The following COL18A1 variants were observed in gnomAD, a reference collection of about 807,000 sequenced individuals.
COL18A1 encodes the protein collagen alpha-1(XVIII) chain.
Under a neutral mutation model 168.0 loss-of-function variants are expected in COL18A1, and 133 were observed. The observed-to-expected ratio is 0.79, with a 90% CI of 0.69 to 0.91. The LOEUF is 0.91. Ranked by LOEUF, COL18A1 falls within the 40% of genes least tolerant of loss-of-function variation. COL18A1 has a pLI of 0.00. For synonymous variants in COL18A1, 949 were observed against 809.0 expected, an observed-to-expected ratio of 1.17 and a Z score of -2.94; for missense variants, 2,126 against 1,925.4, an observed-to-expected ratio of 1.10 and a Z score of -1.95.
intron 2 of COL18A1, among the ~76,000 whole-genome samples, chr21:45,458,175 G>A (rs1373791733): frequency 6.6e-6 from 1 of 151,636 alleles, no homozygotes; most frequent in Non-Finnish European, 1.5e-5. Flanking sequence ...AACTGCGCTG[G>A]GGGGGCCTGG....
Position 45,473,857 on chromosome 21 carries a change from C to G in COL18A1, c.652-38C>G, listed in dbSNP as rs1300771247. 6.5e-7 allele frequency: 1 copy of G among 1,543,656 alleles called. No individual in the cohort carries two copies. Among genetic ancestry groups the G allele is most frequent in the African/African-American group, 1.4e-5 (1 of 73,078 alleles). On this transcript the variant is annotated intron_variant, in intron 3 of 41. Transcript: ENST00000651438. This position sits in a 1 kb window ranked among gnomAD's most constrained non-coding sequence, Gnocchi z 4.0. ...AGCACCGGGGTTGCCACTGCCACCT[C>G]AGGACCGCTGGTGACCCCTTTCTCT...
In COL18A1 at chr21:45,505,123, G is replaced by T; in HGVS notation, c.2869-11G>T. ...AGGTAACCAGGAAGCGTCTCTTGTCGCCGTCCGTAGGGTCCCAAGGGAGAG... is the reference window on the plus strand; with the variant it reads ...AGGTAACCAGGAAGCGTCTCTTGTCTCCGTCCGTAGGGTCCCAAGGGAGAG... On this transcript the variant is annotated splice_polypyrimidine_tract_variant and intron_variant, in intron 34 of 41. Coordinates refer to ENST00000651438, the MANE Select transcript of COL18A1 (RefSeq NM_001379500.1). The T allele has an allele frequency of 6.2e-7, 1 of 1,606,860 alleles. No homozygotes were observed. Among genetic ancestry groups the T allele is most frequent in the Non-Finnish European group, 8.5e-7 (1 of 1,178,314 alleles).
At chr21:45,493,952 C>G (rs2036446345) in intron 26 of COL18A1, 1 of 307,306 alleles carries the variant, frequency 3.3e-6, no homozygotes. Context: ...CCTGGGGGCC[C>G]TGATGCTGTG....
At chr21:45,502,421 C>T (rs2036915319) in intron 32 of COL18A1, 1 of 152,220 alleles carries the variant, frequency 6.6e-6, no homozygotes, top group African/African-American at 2.4e-5. Context: ...TTCTACACAT[C>T]AGCCTAAGAT....
At chr21:45,416,651 T>G (rs1308541269) in intron 2 of COL18A1, among the ~76,000 whole-genome samples, 1 of 152,176 alleles carries the variant, frequency 6.6e-6, no homozygotes, top group African/African-American at 2.4e-5. Flanking sequence ...TCTCTTAGAT[T>G]CCAGCTTAGG....
At chr21:45,419,308 G>GTGACGTGATGCCGTGTAA (rs2033548587) in intron 2 of COL18A1, among the ~76,000 whole-genome samples, 1 of 151,468 alleles carries the variant, frequency 6.6e-6, no homozygotes, top group African/African-American at 2.4e-5. Flanking sequence ...ATGCCGTGTA[G>GTGACGTGATGCCGTGTAA]TGACGCAATG....
At position 45,494,242 on chromosome 21, in the gene COL18A1, A is replaced by G. The variant is rs956397758; in HGVS notation, c.2353-303A>G. ...TGGCAACCAGGACACTGCGTGGCAC[A>G]TGCCCTCCACCCTCCACCCTCCACC... On this transcript the variant is annotated intron_variant, in intron 26 of 41. Coordinates refer to ENST00000651438, the MANE Select transcript of COL18A1 (RefSeq NM_001379500.1). The G allele has an allele frequency of 6.1e-5, 26 of 427,360 alleles. No homozygotes were observed. The African/African-American group carries it at 6.4e-4, about 11-fold the overall frequency. 26.5% of individuals were successfully genotyped at this position (427,360 alleles called of 1,614,324 possible).
rs1358600455 is a variant in COL18A1, at chr21:45,476,336, C to T, written c.799-15C>T. The T allele has an allele frequency of 6.2e-7, 1 of 1,613,870 alleles. No individual in the cohort carries two copies. Among genetic ancestry groups the T allele is most frequent in the Admixed American group, 1.7e-5 (1 of 60,020 alleles). On this transcript the variant is annotated splice_polypyrimidine_tract_variant and intron_variant, in intron 5 of 41. Transcript: ENST00000651438. ...GCCGGCCGAATAACAGGCCACCTCC[C>T]CTCTCGTCCTCCAGGGCGCGGCCCT...
intron 2 of COL18A1, among the ~76,000 whole-genome samples, chr21:45,439,884 G>A (rs944140686): frequency 6.6e-6 from 1 of 152,266 alleles, no homozygotes; most frequent in African/African-American, 2.4e-5. Context: ...AATGTAGCAA[G>A]GAGTGGGAAC....
In COL18A1 at chr21:45,455,661, C is replaced by T. The variant is rs199984023; in HGVS notation, c.107-12581C>T. On this transcript the variant is annotated intron_variant, in intron 2 of 41. Transcript: ENST00000651438. The stretch of plus-strand genomic sequence containing the variant: ...GAGGACACCAGCCATGCAGCTACCA[C>T]GATCCCTGAGCCCCAGGGGCCCCTG... 5.5e-5 allele frequency: 89 copies of T among 1,613,910 alleles called. No individual in the cohort carries two copies. The highest frequency in any genetic ancestry group is 6.6e-5 in the South Asian group (6 of 91,088).
At position 45,473,700 on chromosome 21, in the gene COL18A1, A is replaced by G. The variant is rs2035529458; in HGVS notation, c.652-195A>G. 6.6e-6 allele frequency among the ~76,000 whole-genome samples: 1 copy of G among 152,146 alleles called. No homozygotes were observed. Among genetic ancestry groups the G allele is most frequent in the Admixed American group, 6.5e-5 (1 of 15,290 alleles). ...GGGTGCTTTCCACATGAAAGCGCCC[A>G]GGACGCCCCTGGGTCTCACCACTTC... On this transcript the variant is annotated intron_variant, in intron 3 of 41. Coordinates refer to ENST00000651438, the MANE Select transcript of COL18A1 (RefSeq NM_001379500.1). The surrounding 1 kb of genome is among the most constrained non-coding windows in gnomAD (Gnocchi z 4.0).
Position 45,440,154 on chromosome 21 carries a change from CGGCTGT to C in COL18A1, c.107-28074_107-28069del, listed in dbSNP as rs567265253. On this transcript the variant is annotated intron_variant, in intron 2 of 41. Transcript: ENST00000651438. ...GGCAAGGGCTGCGGGGTCGGAACGT[CGGCTGT>C]GGCTGTGGCTGTGTGACTGCTCCGC... Among the ~76,000 whole-genome samples the C allele has an allele frequency of 1.2e-3, 189 of 152,356 alleles. 1 individual carries two copies. Among genetic ancestry groups the C allele is most frequent in the African/African-American group, 4.2e-3 (173 of 41,584 alleles).
intron 4 of COL18A1, among the ~76,000 whole-genome samples, chr21:45,474,349 G>T (rs1568899117): frequency 6.6e-6 from 1 of 150,392 alleles, no homozygotes; most frequent in Non-Finnish European, 1.5e-5. Flanking sequence ...GGATGTGTGT[G>T]TGTCTGTGTG....
At chr21:45,405,911 G>A (rs1602318922) in intron 2 of COL18A1, among the ~76,000 whole-genome samples, 1 of 151,706 alleles carries the variant, frequency 6.6e-6, no homozygotes, top group South Asian at 2.1e-4. Context: ...CCAACCTGTT[G>A]AGGCTCCTCG....
intron 29 of COL18A1, chr21:45,496,015 T>C: frequency 2.8e-6 from 1 of 355,110 alleles, no homozygotes; most frequent in South Asian, 2.2e-5. Flanking sequence ...TGCACCCATA[T>C]ACACACATAC....
intron 2 of COL18A1, chr21:45,455,636 GAGGACACCAGCCAT>G (rs775537458): frequency 6.2e-7 from 1 of 1,613,970 alleles, no homozygotes; most frequent in Non-Finnish European, 8.5e-7. Context: ...GTTCAATAAT[GAGGACACCAGCCAT>G]GCAGCTACCA....
intron 2 of COL18A1, among the ~76,000 whole-genome samples, chr21:45,427,591 C>T (rs961320061): frequency 1.3e-5 from 2 of 152,206 alleles, no homozygotes; most frequent in Admixed American, 6.5e-5. Context: ...ACCAGCACCA[C>T]GGCGGGCGGG....
intron 32 of COL18A1, among the ~76,000 whole-genome samples, chr21:45,500,103 G>A (rs892789040): frequency 2.7e-5 from 4 of 150,592 alleles, no homozygotes; most frequent in African/African-American, 9.8e-5. Flanking sequence ...GTATGTGGGT[G>A]TGCTGAGTGT....
At chr21:45,433,366 T>A (rs1481254249) in intron 2 of COL18A1, among the ~76,000 whole-genome samples, 1 of 152,194 alleles carries the variant, frequency 6.6e-6, no homozygotes, top group Non-Finnish European at 1.5e-5. Context: ...TTGGACCAGC[T>A]CCATGAGAGT....
Sources: allele counts gnomAD v4.1 joint callset (sites outside exome capture counted in the v4.1 genomes callset), GRCh38; gene constraint gnomAD v4.1.1; non-coding constraint Gnocchi (gnomAD v3.1); transcripts MANE v1.5; gene names NCBI Gene and HGNC (gene_info 2026-07-23, HGNC 2026-07-21).